Variants in BCAS3 observed in about 807,000 individuals in gnomAD.
BCAS3 encodes the protein BCAS3 microtubule associated cell migration factor.
In BCAS3, 53 loss-of-function variants were observed where a neutral mutation model predicts 116.1. The ratio of observed to expected loss-of-function variants is 0.46; its 90% CI spans 0.37 to 0.57. The LOEUF (loss-of-function observed/expected upper bound fraction) is 0.57, where lower values mean the gene tolerates loss of function less well. Among genes scored for constraint, BCAS3 ranks in the 20% least tolerant of loss-of-function variants. BCAS3 has a pLI of 0.00. For synonymous variants in BCAS3, 391 were observed against 408.2 expected (o/e 0.96, Z 0.51); for missense variants, 917 against 1,165.4 (o/e 0.79, Z 3.10).
intron 23 of BCAS3, among the ~76,000 whole-genome samples, chr17:61,375,702 A>T (rs1386128572): frequency 4.0e-5 from 6 of 151,302 alleles, no homozygotes; most frequent in African/African-American, 1.2e-4. Context: ...CCTCCTGGGT[A>T]GCGTGGATTA....
At chr17:61,079,448 A>G (rs1601052760) in intron 21 of BCAS3, among the ~76,000 whole-genome samples, 1 of 152,248 alleles carries the variant, frequency 6.6e-6, no homozygotes, top group Middle Eastern at 3.4e-3. Flanking sequence ...AATATGACAC[A>G]TATTTACTGA....
In BCAS3 at chr17:61,229,233, C is replaced by G. The variant is rs2082529664; in HGVS notation, c.2426-139094C>G. Among the ~76,000 whole-genome samples, 1 of 152,186 alleles carries G rather than the reference C, an allele frequency of 6.6e-6. No individual in the cohort carries two copies. Among genetic ancestry groups the G allele is most frequent in the Admixed American group, 6.5e-5 (1 of 15,282 alleles). ...ATCCAGAGCAAGGCCCTACCTCTTTCAATTCTATGAAGCTGAGAGAGGTGA... is the reference window on the plus strand; with the variant it reads ...ATCCAGAGCAAGGCCCTACCTCTTTGAATTCTATGAAGCTGAGAGAGGTGA... On this transcript the variant is annotated intron_variant, in intron 22 of 23. Coordinates refer to ENST00000407086, the MANE Select transcript of BCAS3 (RefSeq NM_017679.5). This position sits in a 1 kb window ranked among gnomAD's most constrained non-coding sequence, Gnocchi z 4.4.
chr17:60,686,530 A>ATT (rs573663309), intron 3 of BCAS3, among the ~76,000 whole-genome samples: 1 of 146,898 alleles, frequency 6.8e-6, no homozygotes, highest in Non-Finnish European at 1.5e-5. Context: ...TATTTATTTA[A>ATT]TTTTTTTTTT....
chr17:60,712,039 T>A (rs542341837), intron 5 of BCAS3, among the ~76,000 whole-genome samples: 1 of 151,718 alleles, frequency 6.6e-6, no homozygotes, highest in East Asian at 1.9e-4. Flanking sequence ...ATGGCACATG[T>A]CTGTAGTCCC....
At chr17:61,353,358 G>A (rs1365190064) in intron 22 of BCAS3, among the ~76,000 whole-genome samples, 3 of 152,228 alleles carry the variant, frequency 2.0e-5, no homozygotes, top group African/African-American at 7.2e-5. Flanking sequence ...TTATTAAAAT[G>A]CAGCTGGTGA....
At chr17:60,781,916 C>G (rs2045868984) in intron 6 of BCAS3, among the ~76,000 whole-genome samples, 1 of 152,042 alleles carries the variant, frequency 6.6e-6, no homozygotes. Context: ...CTGGAAAATT[C>G]TCTGTCATTT....
intron 13 of BCAS3, among the ~76,000 whole-genome samples, chr17:60,925,560 T>G (rs1239705647): frequency 6.6e-6 from 1 of 152,230 alleles, no homozygotes; most frequent in African/African-American, 2.4e-5. Flanking sequence ...TTTGTTACAT[T>G]GAAGGTTGTA....
At position 60,947,359 on chromosome 17, in the gene BCAS3, T is replaced by C; in HGVS notation, c.1221+7T>C. The C allele has an allele frequency of 6.2e-7, 1 of 1,611,362 alleles. No individual in the cohort carries two copies. Among genetic ancestry groups the C allele is most frequent in the Non-Finnish European group, 8.5e-7 (1 of 1,178,572 alleles). Reference sequence around the variant, plus strand: ...GGGAGAAACTGAAGCCAAAGTAAGCTGTATAATTTTTCAGAAGGCGATTTC... The same window carrying C: ...GGGAGAAACTGAAGCCAAAGTAAGCCGTATAATTTTTCAGAAGGCGATTTC... On this transcript the variant is annotated splice_region_variant and intron_variant, in intron 14 of 23. Transcript: ENST00000407086.
intron 22 of BCAS3, among the ~76,000 whole-genome samples, chr17:61,185,880 T>A (rs957250028): frequency 6.6e-6 from 1 of 152,180 alleles, no homozygotes; most frequent in Non-Finnish European, 1.5e-5. Context: ...TGGCTAAAAA[T>A]TATAACTTTG....
intron 22 of BCAS3, among the ~76,000 whole-genome samples, chr17:61,085,955 A>G (rs1359975219): frequency 2.0e-5 from 3 of 152,162 alleles, no homozygotes. Context: ...ACCTTCTTAA[A>G]CTACCAGATT....
At chr17:60,728,831 A>G (rs1440259863) in intron 5 of BCAS3, among the ~76,000 whole-genome samples, 1 of 152,058 alleles carries the variant, frequency 6.6e-6, no homozygotes, top group Non-Finnish European at 1.5e-5. Context: ...CACAAATCTC[A>G]GGTCTATATT....
At chr17:61,085,063 T>C (rs1018512380) in intron 22 of BCAS3, among the ~76,000 whole-genome samples, 2 of 152,204 alleles carry the variant, frequency 1.3e-5, no homozygotes, top group African/African-American at 4.8e-5. Context: ...TAATTTCCTA[T>C]CCTTGGAAAC....
At position 61,013,262 on chromosome 17, in the gene BCAS3, C is replaced by T. The variant is rs2065228345; in HGVS notation, c.1487-2489C>T. Among the ~76,000 whole-genome samples, 1 of 152,028 alleles carries T rather than the reference C, an allele frequency of 6.6e-6. No homozygotes were observed. The highest frequency in any genetic ancestry group is 6.6e-5 in the Admixed American group (1 of 15,250). Reference sequence around the variant, plus strand: ...TTCATGATAACAAGGAAAACAGTCCCTTACAGTGTTATCTTAAGCTAAGGC... The same window carrying T: ...TTCATGATAACAAGGAAAACAGTCCTTTACAGTGTTATCTTAAGCTAAGGC... On this transcript the variant is annotated intron_variant, in intron 15 of 23. Transcript: ENST00000407086. This position sits in a 1 kb window ranked among gnomAD's most constrained non-coding sequence, Gnocchi z 4.4.
rs868166952 is a variant in BCAS3 at position 60,699,625 on chromosome 17, C to T, written c.215-9594C>T. Among the ~76,000 whole-genome samples the T allele has an allele frequency of 2.6e-5, 4 of 152,200 alleles. No homozygotes were observed. In the South Asian group the frequency reaches 8.3e-4, roughly 32 times the overall value. ...ATGGAATCATGTACTATTAACATGG[C>T]AACAGTGAATTCCTGTCAAAAGAAA... On this transcript the variant is annotated intron_variant, in intron 4 of 23. Transcript: ENST00000407086.
chr17:60,762,135 C>A (rs1399095087), intron 6 of BCAS3, among the ~76,000 whole-genome samples: 2 of 152,058 alleles, frequency 1.3e-5, no homozygotes, highest in African/African-American at 4.8e-5. Context: ...AAAGTTTTCT[C>A]CCATTCTGTA....
chr17:61,276,078 C>T lies in BCAS3; in HGVS notation c.2426-92249C>T, dbSNP rs544269600. Among the ~76,000 whole-genome samples, 160 of 152,164 alleles carry T rather than the reference C, an allele frequency of 1.1e-3. No homozygotes were observed. The highest frequency in any genetic ancestry group is 1.9e-3 in the Non-Finnish European group (126 of 68,004). On this transcript the variant is annotated intron_variant, in intron 22 of 23. Transcript: ENST00000407086. The surrounding 1 kb of genome is among the most constrained non-coding windows in gnomAD (Gnocchi z 4.2). ...AAAAATCACTTGTGTTGGCCGGGTG[C>T]GGTGGCTCACGCGTGTAATCTCAGC...
chr17:61,090,133 T>G (rs1568330764), intron 22 of BCAS3, among the ~76,000 whole-genome samples: 2 of 152,348 alleles, frequency 1.3e-5, no homozygotes, highest in East Asian at 3.9e-4. Context: ...TAAAAGAAGA[T>G]TAAGAGTCCC....
intron 22 of BCAS3, among the ~76,000 whole-genome samples, chr17:61,153,712 A>G (rs2077668924): frequency 6.6e-6 from 1 of 152,116 alleles, no homozygotes; most frequent in African/African-American, 2.4e-5. Flanking sequence ...TGTATCATGT[A>G]TCATTTTTTT....
rs2074567900 is a variant in BCAS3, at chr17:61,105,232, G to A, written c.2425+20668G>A. 6.6e-6 allele frequency among the ~76,000 whole-genome samples: 1 copy of A among 152,146 alleles called. No individual in the cohort carries two copies. The highest frequency in any genetic ancestry group is 1.5e-5 in the Non-Finnish European group (1 of 68,020). ...CACCAGCCCAGTTTTCCACTCAGGT[G>A]GTTTACCCCAAAACCTGGCCTTTGC... is the stretch of plus-strand genomic sequence containing the variant. On this transcript the variant is annotated intron_variant, in intron 22 of 23. Coordinates refer to ENST00000407086, the MANE Select transcript of BCAS3 (RefSeq NM_017679.5). The surrounding 1 kb of genome is among the most constrained non-coding windows in gnomAD (Gnocchi z 4.3).
Sources: gnomAD v4.1 joint callset for allele counts (sites outside exome capture counted in the v4.1 genomes callset) on GRCh38, gnomAD v4.1.1 for gene constraint, Gnocchi (gnomAD v3.1) non-coding constraint, MANE v1.5 for transcripts, NCBI Gene and HGNC (gene_info 2026-07-23, HGNC 2026-07-21) for gene names.